Variants in PSG1 observed in about 807,000 individuals in gnomAD.
PSG1 encodes the protein pregnancy-specific beta-1-glycoprotein 1.
PSG1 carries 60 observed loss-of-function variants against 41.4 expected under a neutral mutation model. The observed-to-expected ratio is 1.45, with a 90% CI of 1.18 to 1.80. The LOEUF (loss-of-function observed/expected upper bound fraction) is 1.80, where lower values mean the gene tolerates loss of function less well. PSG1 is among the 40% of genes most tolerant of loss of function. PSG1 has a pLI of 0.00. For synonymous variants in PSG1, 256 were observed against 192.9 expected, an observed-to-expected ratio of 1.33 and a Z score of -2.71; for missense variants, 806 against 516.9, an observed-to-expected ratio of 1.56 and a Z score of -5.42.
chr19:42,874,142 A>G (rs1338411343), intron 2 of PSG1: 2 of 151,762 alleles, frequency 1.3e-5, no homozygotes, highest in Non-Finnish European at 1.5e-5. Context: ...GTTGTCCCAC[A>G]GCTACAAAAT....
In PSG1 at chr19:42,868,999, A is replaced by C. The variant is rs747070123; in HGVS notation, c.745T>G (p.Leu249Val). 16 of 1,610,438 alleles carry C rather than the reference A, an allele frequency of 9.9e-6. No homozygotes were observed. Among genetic ancestry groups the C allele is most frequent in the Non-Finnish European group, 9.3e-6 (11 of 1,179,046 alleles). ...LPKPYITINN[L>V]NPRENKDVLN... ...ACATCCTTATTCTCCCTGGGGTTTA[A>C]GTTGTTGATGGTGATGTAGGGCTTG... The change falls in exon 4 of 6, where the codon TTA becomes GTA. Residue 249 changes from leucine (L) to valine (V), a missense_variant. By Grantham distance (32) the Leu-to-Val change is conservative. Coordinates refer to ENST00000436291, the MANE Select transcript of PSG1 (RefSeq NM_001184825.2).
Position 42,873,423 on chromosome 19 carries a change from C to T in PSG1, c.431-1378G>A, listed in dbSNP as rs553360883. On this transcript the variant is annotated intron_variant, in intron 2 of 5. Coordinates refer to ENST00000436291, the MANE Select transcript of PSG1 (RefSeq NM_001184825.2). ...TGGATTTCCGATGCTCAATTTGTAA[C>T]AGTGTAATTTTTCCGTAAAAATTTG... is the stretch of plus-strand genomic sequence containing the variant. 3.3e-5 allele frequency among the ~76,000 whole-genome samples: 5 copies of T among 151,650 alleles called. No homozygotes were observed. The South Asian group carries it at 1.1e-3, about 32-fold the overall frequency.
rs1273040285 is a variant in PSG1, at chr19:42,879,699, G to A, written c.-118C>T. 8.9e-6 allele frequency: 13 copies of A among 1,452,708 alleles called. No individual in the cohort carries two copies. Among genetic ancestry groups the A allele is most frequent in the African/African-American group, 1.4e-5 (1 of 70,430 alleles). The allele number at this position is 1,452,708 out of a possible 1,614,324, so 90.0% of individuals were successfully genotyped here. A position where few individuals can be genotyped will look rare whatever the true frequency, so the allele number is the denominator to read the frequency against. On this transcript the variant is annotated 5_prime_UTR_variant, in exon 1 of 6. Coordinates refer to ENST00000436291, the MANE Select transcript of PSG1 (RefSeq NM_001184825.2). ...TTTCTGTGCTGAGCCTCTTCCCAGGGCAGGAGCAATTCTCAAGCTCATGGG... is the reference window on the plus strand; with the variant it reads ...TTTCTGTGCTGAGCCTCTTCCCAGGACAGGAGCAATTCTCAAGCTCATGGG...
At position 42,877,317 on chromosome 19, in the gene PSG1, T is replaced by C. The variant is rs1971649921; in HGVS notation, c.430+596A>G. 2.6e-5 allele frequency among the ~76,000 whole-genome samples: 4 copies of C among 151,746 alleles called. No individual in the cohort carries two copies. The South Asian group carries it at 8.4e-4, about 32-fold the overall frequency. ...GCTTGTCTTTCTGTCCTCTCCACTCTGAGTATCAGGTGAAGAAAGCTCTGT... is the reference window on the plus strand; with the variant it reads ...GCTTGTCTTTCTGTCCTCTCCACTCCGAGTATCAGGTGAAGAAAGCTCTGT... On this transcript the variant is annotated intron_variant, in intron 2 of 5. Transcript: ENST00000436291.
intron 3 of PSG1, among the ~76,000 whole-genome samples, chr19:42,870,809 C>T (rs573091580): frequency 6.6e-6 from 1 of 151,734 alleles, no homozygotes; most frequent in African/African-American, 2.4e-5. Context: ...AGGGTATAAT[C>T]ATTTGACTTT....
chr19:42,877,804 C>A, intron 2 of PSG1, 109 bp downstream of exon 2: 1 of 1,590,608 alleles, frequency 6.3e-7, no homozygotes, highest in Non-Finnish European at 8.6e-7. Context: ...CAGCATGGGA[C>A]ATAACGCAGT....
chr19:42,867,518 T>C lies in PSG1; in HGVS notation c.1244-368A>G, dbSNP rs1398390896. The C allele has an allele frequency of 2.0e-5, 12 of 600,856 alleles. 1 individual carries two copies. In the East Asian group the frequency reaches 2.6e-4, roughly 13 times the overall value. 37.2% of individuals were successfully genotyped at this position (600,856 alleles called of 1,614,324 possible). A position where few individuals can be genotyped will look rare whatever the true frequency, so the allele number is the denominator to read the frequency against. On this transcript the variant is annotated intron_variant, in intron 5 of 5. Transcript: ENST00000436291. ...TTCATATTGGTTCATTCTATCTATG[T>C]TTTTAATATAACATCCGAATCAAAG...
intron 3 of PSG1, chr19:42,869,654 C>G (rs1483298423): frequency 1.9e-5 from 3 of 156,948 alleles, no homozygotes; most frequent in African/African-American, 7.3e-5. Flanking sequence ...TTCATGATGA[C>G]TTACTTGAAC....
intron 3 of PSG1, 92 bp from the exon 4 acceptor site, chr19:42,869,126 C>T: frequency 6.4e-7 from 1 of 1,565,430 alleles, no homozygotes; most frequent in Non-Finnish European, 8.6e-7. Flanking sequence ...TCCCACCTCT[C>T]ATTCCACCCG....
Position 42,877,966 on chromosome 19 carries a change from T to G in PSG1, c.377A>C (p.Lys126Thr), listed in dbSNP as rs141705079. ...DAGSYTLHIIKGDDGTRGVTG... is the reference protein window; with the variant it reads ...DAGSYTLHIITGDDGTRGVTG... ...TACTCCTCTAGTCCCATCATCTCCCTTTATGATGTGTAAGGTGTAGGATCC... is the reference window on the plus strand; with the variant it reads ...TACTCCTCTAGTCCCATCATCTCCCGTTATGATGTGTAAGGTGTAGGATCC... Residue 126 changes from lysine to threonine, a missense_variant, in exon 2 of 6, where the codon AAG becomes ACG. By Grantham distance (78) the Lys-to-Thr change is moderately conservative. Transcript: ENST00000436291. 2,376 of 1,612,400 alleles carry G rather than the reference T, an allele frequency of 1.5e-3. 77 individuals are homozygous for G. In the African/African-American group the frequency reaches 0.028, roughly 19 times the overall value.
chr19:42,876,750 G>C (rs770953750), intron 2 of PSG1: 1 of 164,606 alleles, frequency 6.1e-6, no homozygotes. Context: ...GATGGTTGAA[G>C]CAGGTGATTT....
At position 42,878,008 on chromosome 19, in the gene PSG1, A is replaced by C. The variant is rs1201846994; in HGVS notation, c.335T>G (p.Val112Gly). ...GTAGGATCCTGCGTCCTCCCGGGTGACATTCTGGATCAGCAGGGATGCATT... is the reference window on the plus strand; with the variant it reads ...GTAGGATCCTGCGTCCTCCCGGGTGCCATTCTGGATCAGCAGGGATGCATT... Reference protein sequence around the residue: ...YSNASLLIQNVTREDAGSYTL... With the variant: ...YSNASLLIQNGTREDAGSYTL... The change falls in exon 2 of 6, where the codon GTC becomes GGC. Residue 112 changes from valine (V) to glycine (G), a missense_variant. By Grantham distance (109) the Val-to-Gly change is moderately radical (BLOSUM62 -3). Transcript: ENST00000436291. The C allele has an allele frequency of 1.1e-5, 17 of 1,612,440 alleles. No homozygotes were observed. Among genetic ancestry groups the C allele is most frequent in the Non-Finnish European group, 1.3e-5 (15 of 1,179,176 alleles).
In PSG1 at chr19:42,878,233, G is replaced by A. The variant is rs765933306; in HGVS notation, c.110C>T (p.Thr37Met). ...FWNLPTTAQV[T>M]IEAEPTKVSE... is the part of the protein sequence containing the mutation. ...AACTTTGGTTGGCTCGGCTTCAATCGTGACTTGGGCAGTGGTGGGCAGGTT... is the reference window on the plus strand; with the variant it reads ...AACTTTGGTTGGCTCGGCTTCAATCATGACTTGGGCAGTGGTGGGCAGGTT... The change falls in exon 2 of 6, where the codon ACG becomes ATG. Residue 37 changes from threonine to methionine, a missense_variant. Transcript: ENST00000436291. 7.4e-6 allele frequency: 12 copies of A among 1,610,822 alleles called. 1 individual carries two copies. The highest frequency in any genetic ancestry group is 4.4e-5 in the South Asian group (4 of 90,394).
chr19:42,877,705 G>A (rs1266431377), intron 2 of PSG1, among the ~76,000 whole-genome samples: 1 of 151,734 alleles, frequency 6.6e-6, no homozygotes, highest in Non-Finnish European at 1.5e-5. Flanking sequence ...TCTGCAGCGA[G>A]TGTCTGCAGG....
At position 42,872,058 on chromosome 19, in the gene PSG1, C is replaced by CGTGG. The variant is rs1971416617; in HGVS notation, c.431-14_431-13insCCAC. 1 of 1,605,328 alleles carries CGTGG rather than the reference C, an allele frequency of 6.2e-7. No homozygotes were observed. The highest frequency in any genetic ancestry group is 8.5e-7 in the Non-Finnish European group (1 of 1,175,484). ...TTAGGAGTCTCCACTGTGCAGAAAA[C>CGTGG]AGGGTGAAGATTGCCGTGTGTGGCG... On this transcript the variant is annotated splice_polypyrimidine_tract_variant and intron_variant, in intron 2 of 5. Transcript: ENST00000436291.
At chr19:42,876,047 T>A (rs975047724) in intron 2 of PSG1, among the ~76,000 whole-genome samples, 13 of 151,334 alleles carry the variant, frequency 8.6e-5, no homozygotes, top group Non-Finnish European at 1.5e-4. Flanking sequence ...ATGATTTCTG[T>A]GCCTTTCCTC....
At chr19:42,874,002 G>A (rs1324139394) in intron 2 of PSG1, 1 of 151,460 alleles carries the variant, frequency 6.6e-6, no homozygotes, top group East Asian at 1.9e-4. Flanking sequence ...TTATGAAAAT[G>A]ACATCATCAT....
intron 2 of PSG1, among the ~76,000 whole-genome samples, chr19:42,873,329 G>A (rs534370709): frequency 2.6e-5 from 4 of 151,810 alleles, no homozygotes; most frequent in South Asian, 2.1e-4. Context: ...GCGCCAGTGA[G>A]CACTTCTTTT....
intron 4 of PSG1, among the ~76,000 whole-genome samples, 161 bp from the exon 5 acceptor site, chr19:42,868,516 G>T (rs556603982): frequency 6.6e-6 from 1 of 151,390 alleles, no homozygotes; most frequent in Non-Finnish European, 1.5e-5. Context: ...GTATTCCCCT[G>T]TTTCTCCCAT....
Sources: allele counts gnomAD v4.1 joint callset (sites outside exome capture counted in the v4.1 genomes callset), GRCh38; gene constraint gnomAD v4.1.1; transcripts MANE v1.5; gene names NCBI Gene and HGNC (gene_info 2026-07-23, HGNC 2026-07-21).